Variants in AFAP1 observed in about 807,000 individuals in gnomAD.
AFAP1 encodes actin filament-associated protein 1.
In AFAP1, 75 loss-of-function variants were observed where a neutral mutation model predicts 93.9. The ratio of observed to expected loss-of-function variants is 0.80; its 90% CI spans 0.66 to 0.97. The LOEUF (loss-of-function observed/expected upper bound fraction) is 0.97, where lower values mean the gene tolerates loss of function less well. Among genes scored for constraint, AFAP1 ranks in the 50% least tolerant of loss-of-function variants. The probability of loss-of-function intolerance (pLI) is 0.00; values close to 1 mark genes in which losing one functional copy is unlikely to be tolerated. For missense variants in AFAP1, 1,201 were observed against 1,050.8 expected (o/e 1.14, Z -1.98); for synonymous variants, 517 against 430.7 (o/e 1.20, Z -2.48).
At chr4:7,933,630 G>A (rs754364627) in intron 1 of AFAP1, among the ~76,000 whole-genome samples, 1 of 152,180 alleles carries the variant, frequency 6.6e-6, no homozygotes, top group African/African-American at 2.4e-5. Flanking sequence ...AGAGAAATGC[G>A]CCCAGGGGAA....
chr4:7,773,259 G>C, intron 15 of AFAP1: 4 of 494,158 alleles, frequency 8.1e-6, no homozygotes, highest in Non-Finnish European at 1.4e-5. Context: ...TCTGACGAAG[G>C]CCAGGAGCTC....
At chr4:7,902,926 T>C (rs1194379898) in intron 1 of AFAP1, among the ~76,000 whole-genome samples, 1 of 152,222 alleles carries the variant, frequency 6.6e-6, no homozygotes, top group South Asian at 2.1e-4. Flanking sequence ...ATTACACACC[T>C]ATGTGAAAAG....
At chr4:7,880,716 G>A (rs879447453) in intron 1 of AFAP1, among the ~76,000 whole-genome samples, 3 of 152,204 alleles carry the variant, frequency 2.0e-5, no homozygotes, top group Non-Finnish European at 4.4e-5. Flanking sequence ...TGCTGTGCAC[G>A]GAACTGTCTT....
chr4:7,860,290 A>G (rs4289443), intron 3 of AFAP1, among the ~76,000 whole-genome samples: 119,571 of 152,078 alleles, frequency 0.79, 47,257 homozygotes, highest in East Asian at 0.94. Context: ...TATATGTGTG[A>G]CAGGGGGGTG....
chr4:7,790,805 T>C (rs1224930736), intron 11 of AFAP1, among the ~76,000 whole-genome samples: 1 of 152,214 alleles, frequency 6.6e-6, no homozygotes, highest in Non-Finnish European at 1.5e-5. Context: ...AGACTACATC[T>C]ATCCTGATTT....
chr4:7,854,627 C>T (rs28534631), intron 4 of AFAP1, among the ~76,000 whole-genome samples: 1 of 152,040 alleles, frequency 6.6e-6, no homozygotes. Flanking sequence ...TAGGAGACAG[C>T]GAAGGCCGGA....
Position 7,763,058 on chromosome 4 carries a change from C to T in AFAP1, c.*707G>A, listed in dbSNP as rs1714037475. 1 of 152,454 alleles carries T rather than the reference C, an allele frequency of 6.6e-6. No homozygotes were observed. The highest frequency in any genetic ancestry group is 6.5e-5 in the Admixed American group (1 of 15,282). 9.4% of individuals were successfully genotyped at this position (152,454 alleles called of 1,614,324 possible). On this transcript the variant is annotated 3_prime_UTR_variant, in exon 18 of 18. Transcript: ENST00000420658. ...TAAAATAAGGAACCTCTGAAAACTC[C>T]TTGATCTAAGTGTGACACACAGTAA...
chr4:7,872,265 T>C, intron 1 of AFAP1, 185 bp from the exon 2 acceptor site: 1 of 637,912 alleles, frequency 1.6e-6, no homozygotes, highest in South Asian at 2.5e-5. Flanking sequence ...TCTTAACAAA[T>C]GCACTACTCC....
chr4:7,803,402 A>G (rs1176572223), intron 9 of AFAP1, among the ~76,000 whole-genome samples: 1 of 152,248 alleles, frequency 6.6e-6, no homozygotes, highest in East Asian at 1.9e-4. Flanking sequence ...CAGAGACCAC[A>G]CAGTGCAGCA....
chr4:7,825,385 C>G (rs993449953), intron 6 of AFAP1, among the ~76,000 whole-genome samples: 29 of 152,048 alleles, frequency 1.9e-4, no homozygotes, highest in African/African-American at 6.8e-4. Context: ...GTGGCCTTTA[C>G]AAGGTGAAAT....
intron 16 of AFAP1, among the ~76,000 whole-genome samples, chr4:7,770,229 C>T (rs1044285751): frequency 4.6e-5 from 7 of 152,018 alleles, no homozygotes; most frequent in Admixed American, 6.5e-5. Context: ...AAAGGAGAAG[C>T]GAGGCGGGGG....
chr4:7,884,418 G>T (rs540454747), intron 1 of AFAP1, among the ~76,000 whole-genome samples: 161 of 152,274 alleles, frequency 1.1e-3, no homozygotes, highest in African/African-American at 3.7e-3. Flanking sequence ...AGAATGCAGA[G>T]ATGTCTAAGA....
intron 10 of AFAP1, among the ~76,000 whole-genome samples, chr4:7,796,135 C>T (rs2149017199): frequency 6.6e-6 from 1 of 152,194 alleles, no homozygotes; most frequent in Admixed American, 6.5e-5. Flanking sequence ...GAGCTCTGGC[C>T]CGCCGGCAGA....
intron 6 of AFAP1, among the ~76,000 whole-genome samples, chr4:7,832,293 T>C (rs575478918): frequency 6.6e-6 from 1 of 151,564 alleles, no homozygotes; most frequent in East Asian, 1.9e-4. Flanking sequence ...TCCCGTATGA[T>C]ACAGATGTGG....
intron 6 of AFAP1, among the ~76,000 whole-genome samples, chr4:7,826,057 G>GA (rs34549702): frequency 1.3e-5 from 2 of 152,244 alleles, no homozygotes; most frequent in Admixed American, 1.3e-4. Context: ...TCCTTTGCAG[G>GA]AAAAAAGTGA....
intron 1 of AFAP1, among the ~76,000 whole-genome samples, chr4:7,923,096 G>A (rs1185823679): frequency 6.6e-6 from 1 of 151,830 alleles, no homozygotes; most frequent in East Asian, 1.9e-4. Context: ...AGGTAAATGA[G>A]AGAGGGAAAA....
chr4:7,759,299 G>T lies in AFAP1; in HGVS notation c.*4466C>A, dbSNP rs894344469. The T allele has an allele frequency of 6.6e-6, 1 of 152,634 alleles. No individual in the cohort carries two copies. Among genetic ancestry groups the T allele is most frequent in the East Asian group, 1.9e-4 (1 of 5,190 alleles). 9.5% of individuals were successfully genotyped at this position (152,634 alleles called of 1,614,324 possible). On this transcript the variant is annotated 3_prime_UTR_variant, in exon 18 of 18. Coordinates refer to ENST00000420658, the MANE Select transcript of AFAP1 (RefSeq NM_001134647.2). Reference sequence around the variant, plus strand: ...AAAAGACCCGGTAACACTTGTGCACGGTGAAGTTGAGATTTTCTGGAAGAC... The same window carrying T: ...AAAAGACCCGGTAACACTTGTGCACTGTGAAGTTGAGATTTTCTGGAAGAC...
chr4:7,871,854 G>T (rs1479051688), intron 2 of AFAP1, 98 bp downstream of exon 2: 66 of 1,462,830 alleles, frequency 4.5e-5, no homozygotes, highest in Middle Eastern at 1.8e-4. Flanking sequence ...GTAAGTTAAA[G>T]AACAAATAAA....
At chr4:7,885,044 T>A (rs1299226576) in intron 1 of AFAP1, among the ~76,000 whole-genome samples, 1 of 152,182 alleles carries the variant, frequency 6.6e-6, no homozygotes, top group African/African-American at 2.4e-5. Flanking sequence ...GAGAACTGTT[T>A]CACAAAAGCT....
Sources: gnomAD v4.1 joint callset for allele counts (sites outside exome capture counted in the v4.1 genomes callset) on GRCh38, gnomAD v4.1.1 for gene constraint, MANE v1.5 for transcripts, NCBI Gene and HGNC (gene_info 2026-07-23, HGNC 2026-07-21) for gene names.